The following ATPSCKMT variants were observed in gnomAD, a reference collection of about 807,000 sequenced individuals.
ATPSCKMT encodes ATP synthase c subunit lysine N-methyltransferase, also known as ATP synthase subunit C lysine N-methyltransferase.
In ATPSCKMT, 24 loss-of-function variants were observed where a neutral mutation model predicts 24.3. The ratio of observed to expected loss-of-function variants is 0.99; its 90% CI spans 0.71 to 1.39. ATPSCKMT has a LOEUF of 1.39. ATPSCKMT is among the 40% of genes most tolerant of loss of function. The pLI, the probability that ATPSCKMT is intolerant of heterozygous loss-of-function variation, is 0.00. For synonymous variants in ATPSCKMT, 95 were observed against 110.5 expected (o/e 0.86, Z 0.88); for missense variants, 311 against 298.4 (o/e 1.04, Z -0.31).
At chr5:10,235,120 C>T in intron 4 of ATPSCKMT, 91 bp downstream of exon 4, 1 of 1,147,202 alleles carries the variant, frequency 8.7e-7, no homozygotes, top group Non-Finnish European at 1.3e-6. Flanking sequence ...GGGAGGCCAT[C>T]ACCCTCACAC....
At chr5:10,238,237 A>G (rs376295513) in intron 2 of ATPSCKMT, among the ~76,000 whole-genome samples, 2 of 152,376 alleles carry the variant, frequency 1.3e-5, no homozygotes, top group East Asian at 3.9e-4. Flanking sequence ...GCACATGGTT[A>G]AGATGGTAAA....
At chr5:10,233,688 G>A (rs1459557763) in intron 4 of ATPSCKMT, among the ~76,000 whole-genome samples, 7 of 152,068 alleles carry the variant, frequency 4.6e-5, no homozygotes, top group Non-Finnish European at 7.3e-5. Flanking sequence ...GCTGCCCCCC[G>A]CTGGGACAAG....
intron 4 of ATPSCKMT, among the ~76,000 whole-genome samples, chr5:10,229,118 A>T (rs1744012071): frequency 6.6e-6 from 1 of 152,246 alleles, no homozygotes; most frequent in Non-Finnish European, 1.5e-5. Flanking sequence ...CAGGAAATTT[A>T]ACATTGTATT....
At chr5:10,245,015 G>A (rs1744835915) in intron 1 of ATPSCKMT, among the ~76,000 whole-genome samples, 1 of 152,152 alleles carries the variant, frequency 6.6e-6, no homozygotes. Context: ...CAGTTAAGAG[G>A]ATTTGGGTTA....
At chr5:10,229,165 C>A (rs1311617342) in intron 4 of ATPSCKMT, among the ~76,000 whole-genome samples, 2 of 152,198 alleles carry the variant, frequency 1.3e-5, no homozygotes, top group African/African-American at 2.4e-5. Flanking sequence ...GCGATTCTGT[C>A]ATTGCCCCAA....
intron 1 of ATPSCKMT, chr5:10,249,642 G>T: frequency 2.8e-6 from 2 of 707,696 alleles, no homozygotes; most frequent in Non-Finnish European, 4.4e-6. Context: ...AACAGTCTCT[G>T]GGGAAACGCG....
chr5:10,239,262 C>T lies in ATPSCKMT; in HGVS notation c.111G>A (p.Gly37=), dbSNP rs374362575. 1.9e-6 allele frequency: 3 copies of T among 1,614,164 alleles called. No homozygotes were observed. The highest frequency in any genetic ancestry group is 1.1e-5 in the South Asian group (1 of 91,078). Reference sequence around the variant, plus strand: ...CACCCACAAGCCCAGTAAGTAAGAACCCCCAGTTGCTTTTCTGCAAACTGT... The same window carrying T: ...CACCCACAAGCCCAGTAAGTAAGAATCCCCAGTTGCTTTTCTGCAAACTGT... The part of the protein sequence containing the change: ...EVNSLQKSNW[G]FLLTGLVGGT... The change falls in exon 2 of 5, where the codon GGG becomes GGA. Residue 37 remains glycine (G), a synonymous_variant. Transcript: ENST00000511437.
intron 1 of ATPSCKMT, among the ~76,000 whole-genome samples, 155 bp from the exon 2 acceptor site, chr5:10,239,511 A>G (rs1385696930): frequency 1.3e-5 from 2 of 152,216 alleles, no homozygotes; most frequent in East Asian, 3.8e-4. Context: ...GGATCCCACA[A>G]TTAGTTCTAA....
intron 4 of ATPSCKMT, among the ~76,000 whole-genome samples, chr5:10,232,108 C>T (rs961417464): frequency 6.6e-6 from 1 of 152,082 alleles, no homozygotes; most frequent in African/African-American, 2.4e-5. Context: ...CAGGCTGAGA[C>T]AGGTGATCGC....
chr5:10,236,678 A>T, intron 2 of ATPSCKMT, 63 bp from the exon 3 acceptor site: 1 of 1,588,006 alleles, frequency 6.3e-7, no homozygotes, highest in Non-Finnish European at 8.6e-7. Context: ...TGGTCAAACA[A>T]TATGAATATT....
rs1744518959 is a variant in ATPSCKMT, at chr5:10,239,311, A to C, written c.62T>G (p.Val21Gly). The C allele has an allele frequency of 2.5e-6, 4 of 1,614,172 alleles. No individual in the cohort carries two copies. The highest frequency in any genetic ancestry group is 3.4e-6 in the Non-Finnish European group (4 of 1,180,022). Residue 21 changes from valine (V) to glycine (G), a missense_variant, in exon 2 of 5, where the codon GTT becomes GGT. Coordinates refer to ENST00000511437, the MANE Select transcript of ATPSCKMT (RefSeq NM_199133.4). ...GTTGACTTCAAAACTTGCAGGTAGA[A>C]CATGTCTTGACTGACTTTCTTCTTT... is the stretch of plus-strand genomic sequence containing the variant. ...TLKEESQSRH[V>G]LPASFEVNSL...
intron 1 of ATPSCKMT, 130 bp from the exon 2 acceptor site, chr5:10,239,486 T>C: frequency 1.3e-6 from 1 of 772,084 alleles, no homozygotes; most frequent in Non-Finnish European, 2.0e-6. Flanking sequence ...GAATACAAGC[T>C]AAATGTCAAC....
chr5:10,231,030 A>C (rs192465620), intron 4 of ATPSCKMT, among the ~76,000 whole-genome samples: 367 of 151,986 alleles, frequency 2.4e-3, no homozygotes, highest in African/African-American at 8.6e-3. Flanking sequence ...TGTCATGTAC[A>C]CCCAAACTTC....
rs1238040021 is a variant in ATPSCKMT, at chr5:10,236,645, T to A, written c.307-30A>T. 14 of 1,600,444 alleles carry A rather than the reference T, an allele frequency of 8.7e-6. No homozygotes were observed. The Admixed American group carries it at 1.2e-4, about 14-fold the overall frequency. ...GGAGAGAGGCAGGATTTATTCAAAA[T>A]AAGAAGAAAAAATGAACATACATGG... On this transcript the variant is annotated intron_variant, in intron 2 of 4. Coordinates refer to ENST00000511437, the MANE Select transcript of ATPSCKMT (RefSeq NM_199133.4).
chr5:10,227,628 T>G lies in ATPSCKMT; in HGVS notation c.515A>C (p.Lys172Thr), dbSNP rs1561023964. ...VPQMMLQLEKKLERELEDDAR... is the reference protein window; with the variant it reads ...VPQMMLQLEKTLERELEDDAR... Reference sequence around the variant, plus strand: ...ATCATCCTCAAGTTCACGTTCAAGTTTCTTCTCCAACTGCAGCATCTGTGG... The same window carrying G: ...ATCATCCTCAAGTTCACGTTCAAGTGTCTTCTCCAACTGCAGCATCTGTGG... Residue 172 changes from lysine (K) to threonine (T), a missense_variant, in exon 5 of 5, where the codon AAA (lysine) becomes ACA (threonine). Physicochemically the swap from Lys to Thr is moderately conservative, Grantham distance 78. Coordinates refer to ENST00000511437, the MANE Select transcript of ATPSCKMT (RefSeq NM_199133.4). 6.2e-7 allele frequency: 1 copy of G among 1,614,214 alleles called. No individual in the cohort carries two copies.
chr5:10,248,894 G>T (rs1166862196), intron 1 of ATPSCKMT, among the ~76,000 whole-genome samples: 1 of 152,144 alleles, frequency 6.6e-6, no homozygotes, highest in South Asian at 2.1e-4. Context: ...CATGATCTTG[G>T]AGGGCGGGGA....
intron 1 of ATPSCKMT, among the ~76,000 whole-genome samples, chr5:10,245,020 G>A (rs1339519448): frequency 1.3e-5 from 2 of 152,128 alleles, no homozygotes; most frequent in Non-Finnish European, 2.9e-5. Context: ...AAGAGGATTT[G>A]GGTTACACAG....
chr5:10,230,093 T>C (rs1334155301), intron 4 of ATPSCKMT, among the ~76,000 whole-genome samples: 8 of 151,936 alleles, frequency 5.3e-5, no homozygotes, highest in Admixed American at 5.3e-4. Context: ...AGGGCTTCTA[T>C]GATGGTTTTA....
chr5:10,229,741 C>A (rs544238057), intron 4 of ATPSCKMT, among the ~76,000 whole-genome samples: 1 of 152,190 alleles, frequency 6.6e-6, no homozygotes, highest in African/African-American at 2.4e-5. Flanking sequence ...CCTTATCTAC[C>A]GATCTGCTAT....
Sources: allele counts gnomAD v4.1 joint callset (sites outside exome capture counted in the v4.1 genomes callset), GRCh38; gene constraint gnomAD v4.1.1; transcripts MANE v1.5; gene names NCBI Gene and HGNC (gene_info 2026-07-23, HGNC 2026-07-21).